PAK3: variants seen among roughly 807,000 people sequenced by gnomAD.
PAK3 encodes the protein serine/threonine-protein kinase PAK 3.
In PAK3, 4 loss-of-function variants were observed where a neutral mutation model predicts 41.0. That is an observed-to-expected ratio of 0.10 (90% confidence interval 0.05 to 0.22). The LOEUF is 0.22. Among genes scored for constraint, PAK3 ranks in the 10% least tolerant of loss-of-function variants. The pLI, the probability that PAK3 is intolerant of heterozygous loss-of-function variation, is 1.00. For missense variants in PAK3, 205 were observed against 409.9 expected (o/e 0.50, Z 4.32); for synonymous variants, 146 against 139.6 (o/e 1.05, Z -0.32).
At chrX:111,181,005 A>G (rs2094456370) in intron 11 of PAK3, among the ~76,000 whole-genome samples, 1 of 111,923 alleles carries the variant, frequency 8.9e-6, no homozygotes, top group Non-Finnish European at 1.9e-5. Context: ...TTAACACACC[A>G]TCAATAATGT....
Position 111,138,246 on chromosome X carries a change from G to A in PAK3, c.176-3850G>A, listed in dbSNP as rs774109033. On this transcript the variant is annotated intron_variant, in intron 5 of 17. Transcript: ENST00000372007. Reference sequence around the variant, plus strand: ...AAGACCTGCCTCATATGACTGTTGCGGAGATTAAATGAGATAGCCCCAGAT... The same window carrying A: ...AAGACCTGCCTCATATGACTGTTGCAGAGATTAAATGAGATAGCCCCAGAT... 1.5e-4 allele frequency among the ~76,000 whole-genome samples: 17 copies of A among 110,645 alleles called. No homozygotes were observed. In the East Asian group the frequency reaches 4.0e-3, roughly 26 times the overall value.
intron 1 of PAK3, among the ~76,000 whole-genome samples, chrX:111,009,694 A>G (rs1195424418): frequency 1.8e-5 from 2 of 112,487 alleles, no homozygotes; most frequent in African/African-American, 6.5e-5. Context: ...TTATATTTGT[A>G]CCTATCGGCA....
chrX:111,076,771 G>A (rs749972339), intron 1 of PAK3, among the ~76,000 whole-genome samples: 3 of 111,985 alleles, frequency 2.7e-5, no homozygotes, highest in Admixed American at 1.9e-4. Flanking sequence ...ACAAGACAAG[G>A]ATGTCCACTC....
chrX:111,070,230 CTGAATTTGAT>C (rs1298369935), intron 1 of PAK3, among the ~76,000 whole-genome samples: 1 of 5,398 alleles, frequency 1.9e-4, no homozygotes, highest in East Asian at 0.036. Context: ...CTTTATATAG[CTGAATTTGAT>C]CATTTATATG....
intron 14 of PAK3, among the ~76,000 whole-genome samples, chrX:111,195,345 C>G (rs1471441223): frequency 1.8e-5 from 2 of 112,047 alleles, no homozygotes; most frequent in Non-Finnish European, 3.8e-5. Flanking sequence ...ACTGCAAAGG[C>G]ATTTCCAAAC....
intron 1 of PAK3, among the ~76,000 whole-genome samples, chrX:110,948,370 C>G (rs1049245251): frequency 9.0e-6 from 1 of 111,728 alleles, no homozygotes; most frequent in African/African-American, 3.3e-5. Flanking sequence ...ATGTTGGAAG[C>G]TAGCTGGTGC....
intron 8 of PAK3, among the ~76,000 whole-genome samples, chrX:111,157,997 A>G (rs1352699914): frequency 8.9e-6 from 1 of 111,821 alleles, no homozygotes; most frequent in African/African-American, 3.2e-5. Context: ...ATTGACTCCA[A>G]AAATGATCAC....
At chrX:111,059,098 A>G (rs1373814322) in intron 1 of PAK3, among the ~76,000 whole-genome samples, 1 of 97,503 alleles carries the variant, frequency 1.0e-5, no homozygotes, top group Non-Finnish European at 2.1e-5. Context: ...GTATTTCCAT[A>G]TGAATTTTAG....
rs773255343 is a variant in PAK3 at position 111,112,210 on chromosome X, T to G, written c.-28+8904T>G. Among the ~76,000 whole-genome samples, 8 of 110,950 alleles carry G rather than the reference T, an allele frequency of 7.2e-5. No homozygotes were observed. The East Asian group carries it at 2.3e-3, about 32-fold the overall frequency. ...GAAACGCATATTAAACCCTTCTTAA[T>G]TCGTCTCTATGGATCTTATTTTTTT... On this transcript the variant is annotated intron_variant, in intron 4 of 17. Coordinates refer to ENST00000372007, the MANE Select transcript of PAK3 (RefSeq NM_002578.5).
intron 1 of PAK3, among the ~76,000 whole-genome samples, chrX:110,959,118 G>A (rs2090926672): frequency 8.9e-6 from 1 of 111,962 alleles, no homozygotes; most frequent in African/African-American, 3.3e-5. Context: ...AGGCTATGGA[G>A]TCACAGAAGA....
chrX:111,067,607 T>G (rs2092711129), intron 1 of PAK3, among the ~76,000 whole-genome samples: 1 of 111,904 alleles, frequency 8.9e-6, no homozygotes, highest in African/African-American at 3.2e-5. Flanking sequence ...TAAAATTTTG[T>G]CAAATGTGTT....
At chrX:111,140,685 G>A (rs183917829) in intron 5 of PAK3, among the ~76,000 whole-genome samples, 6 of 111,290 alleles carry the variant, frequency 5.4e-5, no homozygotes, top group East Asian at 5.7e-4. Flanking sequence ...TGTGCTCCAT[G>A]GCCAGACAAA....
chrX:111,169,881 C>T (rs888065365), intron 10 of PAK3, among the ~76,000 whole-genome samples: 3 of 111,505 alleles, frequency 2.7e-5, no homozygotes, highest in Non-Finnish European at 3.8e-5. Flanking sequence ...GAGAATGAAG[C>T]AGGAGCCAGA....
intron 11 of PAK3, among the ~76,000 whole-genome samples, chrX:111,187,778 C>T (rs2094524504): frequency 9.1e-6 from 1 of 110,297 alleles, no homozygotes; most frequent in African/African-American, 3.3e-5. Context: ...TTTGTGCATT[C>T]GAGTTGAAGG....
At position 111,133,362 on chromosome X, in the gene PAK3, A is replaced by G. The variant is rs143857005; in HGVS notation, c.176-8734A>G. Reference sequence around the variant, plus strand: ...CCATTTCTCAAAACATACCTCCTCCAGTAAGCCCTGACTGTCCACCACAGA... The same window carrying G: ...CCATTTCTCAAAACATACCTCCTCCGGTAAGCCCTGACTGTCCACCACAGA... On this transcript the variant is annotated intron_variant, in intron 5 of 17. Coordinates refer to ENST00000372007, the MANE Select transcript of PAK3 (RefSeq NM_002578.5). Among the ~76,000 whole-genome samples, 207 of 111,803 alleles carry G rather than the reference A, an allele frequency of 1.9e-3. 3 individuals carry two copies. The South Asian group carries it at 0.064, about 34-fold the overall frequency.
At chrX:110,968,333 GA>G (rs2091125027) in intron 1 of PAK3, among the ~76,000 whole-genome samples, 1 of 112,484 alleles carries the variant, frequency 8.9e-6, no homozygotes, top group Non-Finnish European at 1.9e-5. Flanking sequence ...TTCATCTCTA[GA>G]ATAAGTGTCC....
chrX:111,156,416 T>C (rs2094107342), intron 8 of PAK3, among the ~76,000 whole-genome samples: 1 of 111,834 alleles, frequency 8.9e-6, no homozygotes. Flanking sequence ...TAGGTTTCTA[T>C]TGATTGAATG....
chrX:111,169,123 T>C (rs1479839243), intron 10 of PAK3: 1 of 115,612 alleles, frequency 8.6e-6, no homozygotes, highest in Non-Finnish European at 1.8e-5. Flanking sequence ...AATATATCAA[T>C]ATATTCTACA....
chrX:111,197,447 T>C (rs771921572), intron 16 of PAK3, among the ~76,000 whole-genome samples: 1 of 112,048 alleles, frequency 8.9e-6, no homozygotes, highest in African/African-American at 3.2e-5. Context: ...TATCCAGTAA[T>C]GGTATTGCTG....
Sources: allele counts gnomAD v4.1 joint callset (sites outside exome capture counted in the v4.1 genomes callset), GRCh38; gene constraint gnomAD v4.1.1; transcripts MANE v1.5; gene names NCBI Gene and HGNC (gene_info 2026-07-23, HGNC 2026-07-21).